The following CEP128 variants were observed in gnomAD, a reference collection of about 807,000 sequenced individuals.
CEP128 encodes centrosomal protein 128kDa.
CEP128 carries 132 observed loss-of-function variants against 156.7 expected under a neutral mutation model. The observed-to-expected ratio is 0.84, with a 90% CI of 0.73 to 0.97. The LOEUF is 0.97. Among genes scored for constraint, CEP128 ranks in the 50% least tolerant of loss-of-function variants. CEP128 has a pLI of 0.00. For synonymous variants in CEP128, 469 were observed against 448.9 expected (o/e 1.04, Z -0.57); for missense variants, 1,252 against 1,281.9 (o/e 0.98, Z 0.36).
chr14:80,946,778 T>C (rs1012028255), intron 2 of CEP128, among the ~76,000 whole-genome samples: 9 of 152,170 alleles, frequency 5.9e-5, no homozygotes, highest in Non-Finnish European at 1.0e-4. Context: ...TATACAACTA[T>C]GAAACAACAA....
chr14:80,813,798 G>C (rs1215798332), intron 13 of CEP128, among the ~76,000 whole-genome samples: 2 of 151,994 alleles, frequency 1.3e-5, no homozygotes, highest in African/African-American at 4.8e-5. Context: ...TATTCATCTA[G>C]ACTTTTCCCA....
intron 11 of CEP128, among the ~76,000 whole-genome samples, chr14:80,836,948 C>T (rs1053531995): frequency 2.0e-5 from 3 of 152,198 alleles, no homozygotes; most frequent in African/African-American, 4.8e-5. Context: ...ACAAAGAAAT[C>T]TCTTGCTTCC....
intron 24 of CEP128, among the ~76,000 whole-genome samples, chr14:80,503,518 T>C (rs186040211): frequency 5.3e-5 from 8 of 152,318 alleles, no homozygotes; most frequent in Non-Finnish European, 1.2e-4. Flanking sequence ...AAGGTCATAA[T>C]GGCAAAAGTA....
chr14:80,690,699 T>C (rs1014900735), intron 19 of CEP128, among the ~76,000 whole-genome samples: 1 of 152,228 alleles, frequency 6.6e-6, no homozygotes, highest in Non-Finnish European at 1.5e-5. Flanking sequence ...AACTATTTCA[T>C]ATTTAATACT....
chr14:80,745,263 T>C (rs529780014), intron 18 of CEP128, among the ~76,000 whole-genome samples: 2 of 152,068 alleles, frequency 1.3e-5, no homozygotes, highest in Non-Finnish European at 2.9e-5. Context: ...CCTTTCACCC[T>C]TCCACCATGA....
chr14:80,535,052 C>T (rs1313680908), intron 21 of CEP128, among the ~76,000 whole-genome samples: 1 of 152,166 alleles, frequency 6.6e-6, no homozygotes, highest in Non-Finnish European at 1.5e-5. Flanking sequence ...AAGAGCTGGA[C>T]TTCCAGGGAC....
At chr14:80,744,903 C>T (rs1218260689) in intron 18 of CEP128, among the ~76,000 whole-genome samples, 1 of 152,154 alleles carries the variant, frequency 6.6e-6, no homozygotes, top group Non-Finnish European at 1.5e-5. Context: ...TGCCATTTCC[C>T]CAGGTCACTT....
exon 2 of CEP128, chr14:80,958,196 T>C (rs1886809598): frequency 6.6e-6 from 1 of 152,192 alleles, no homozygotes; most frequent in South Asian, 2.1e-4. Flanking sequence ...GGGGTCCTGT[T>C]CTCAGCGCTT....
At chr14:80,674,583 C>T (rs1205974539) in intron 19 of CEP128, among the ~76,000 whole-genome samples, 1 of 151,916 alleles carries the variant, frequency 6.6e-6, no homozygotes, top group Non-Finnish European at 1.5e-5. Context: ...TTTTAGAAAA[C>T]CTCTCTAAAG....
rs147536573 is a variant in CEP128, at chr14:80,846,250, C to G, written c.763-5482G>C. ...CTTAAACACAACTCACAGTAGCAAT[C>G]AGAGTATTTATTTAACATATAAACT... On this transcript the variant is annotated intron_variant, in intron 9 of 24. Transcript: ENST00000555265. Among the ~76,000 whole-genome samples, 468 of 152,206 alleles carry G rather than the reference C, an allele frequency of 3.1e-3. 24 individuals are homozygous for G. The East Asian group carries it at 0.081, about 26-fold the overall frequency.
chr14:80,873,417 A>G (rs1693012620), intron 8 of CEP128, among the ~76,000 whole-genome samples: 2 of 152,220 alleles, frequency 1.3e-5, no homozygotes, highest in Admixed American at 1.3e-4. Context: ...TTGCTATGTG[A>G]AAGAAATCCA....
chr14:80,669,785 C>T (rs1895766154), intron 19 of CEP128, among the ~76,000 whole-genome samples: 1 of 152,118 alleles, frequency 6.6e-6, no homozygotes, highest in African/African-American at 2.4e-5. Flanking sequence ...CCATTTGATC[C>T]AGCAATTCCA....
At chr14:80,807,643 G>A (rs1453093674) in intron 13 of CEP128, among the ~76,000 whole-genome samples, 3 of 152,170 alleles carry the variant, frequency 2.0e-5, no homozygotes, top group African/African-American at 4.8e-5. Context: ...CTGAAACACT[G>A]GAGAGCTCCT....
chr14:80,488,812 T>G (rs958527686), downstream of CEP128, among the ~76,000 whole-genome samples: 46 of 145,318 alleles, frequency 3.2e-4, no homozygotes, highest in Non-Finnish European at 3.4e-4. Context: ...CCATAAAAAA[T>G]GATGAGTTCA....
At chr14:80,945,262 A>G (rs1886312497), upstream of CEP128, among the ~76,000 whole-genome samples, 1 of 152,098 alleles carries the variant, frequency 6.6e-6, no homozygotes, top group Admixed American at 6.5e-5. Flanking sequence ...TTGTAACGAC[A>G]CCCGTTATCT....
chr14:80,754,008 A>C (rs1224352027), intron 18 of CEP128, among the ~76,000 whole-genome samples: 4 of 152,258 alleles, frequency 2.6e-5, no homozygotes, highest in South Asian at 2.1e-4. Flanking sequence ...CTCTACCTCA[A>C]ATCTTACCAA....
intron 2 of CEP128, among the ~76,000 whole-genome samples, chr14:80,934,957 T>C (rs1285534003): frequency 6.6e-6 from 1 of 152,220 alleles, no homozygotes; most frequent in Non-Finnish European, 1.5e-5. Context: ...ATGGACTAAT[T>C]TCTGTACTAA....
chr14:80,800,943 A>T (rs1221378783), intron 13 of CEP128, among the ~76,000 whole-genome samples: 1 of 152,222 alleles, frequency 6.6e-6, no homozygotes, highest in Non-Finnish European at 1.5e-5. Context: ...AACATGAGAA[A>T]GAAGGCAAAC....
intron 17 of CEP128, among the ~76,000 whole-genome samples, chr14:80,760,369 A>C (rs1378528869): frequency 6.6e-6 from 1 of 152,110 alleles, no homozygotes; most frequent in Non-Finnish European, 1.5e-5. Flanking sequence ...AATTCTAAAA[A>C]TGTCTTGACT....
Sources: allele counts gnomAD v4.1 joint callset (sites outside exome capture counted in the v4.1 genomes callset), GRCh38; gene constraint gnomAD v4.1.1; transcripts MANE v1.5; gene names NCBI Gene and HGNC (gene_info 2026-07-23, HGNC 2026-07-21).